Variants in HTT observed in about 807,000 individuals in gnomAD.
HTT encodes huntingtin, also known as huntington disease protein.
In HTT, 104 loss-of-function variants were observed where a neutral mutation model predicts 362.3. That is an observed-to-expected ratio of 0.29 (90% CI 0.24 to 0.34). HTT has a LOEUF of 0.34. HTT is among the 10% of genes least tolerant of loss of function. The pLI is 1.00. For missense variants in HTT, 3,301 were observed against 3,928.6 expected, an observed-to-expected ratio of 0.84 and a Z score of 4.27; for synonymous variants, 1,577 against 1,548.7, an observed-to-expected ratio of 1.02 and a Z score of -0.43.
At chr4:3,126,570 AT>A (rs58673147) in intron 11 of HTT, among the ~76,000 whole-genome samples, 8,147 of 151,820 alleles carry the variant, frequency 0.054, 655 homozygotes, top group African/African-American at 0.18. Flanking sequence ...ATAAAAATAG[AT>A]TTTTTTTTGA....
Position 3,228,789 on chromosome 4 carries a change from C to A in HTT, c.7979+44C>A, listed in dbSNP as rs1401491470. 49 of 1,566,360 alleles carry A rather than the reference C, an allele frequency of 3.1e-5. No homozygotes were observed. The highest frequency in any genetic ancestry group is 4.2e-5 in the Non-Finnish European group (48 of 1,152,574). On this transcript the variant is annotated intron_variant, in intron 58 of 66. Transcript: ENST00000355072. The surrounding 1 kb of genome is among the most constrained non-coding windows in gnomAD (Gnocchi z 4.3). ...TCTTTTTAACAGAAATTTGAAATTT[C>A]TTATCAGTCATTTGATTTGTTTGAG... is the stretch of plus-strand genomic sequence containing the variant.
intron 1 of HTT, among the ~76,000 whole-genome samples, chr4:3,086,163 A>T (rs978594522): frequency 2.0e-5 from 3 of 152,222 alleles, no homozygotes; most frequent in South Asian, 2.1e-4. Flanking sequence ...AGAAAGAAAG[A>T]AAGTTTCTAA....
At chr4:3,196,068 T>G (rs1719245000) in intron 40 of HTT, among the ~76,000 whole-genome samples, 1 of 152,180 alleles carries the variant, frequency 6.6e-6, no homozygotes, top group South Asian at 2.1e-4. Context: ...AGGGAAACCC[T>G]TGGAAGGAGG....
chr4:3,231,576 C>T (rs1276109438), intron 60 of HTT, among the ~76,000 whole-genome samples: 3 of 152,190 alleles, frequency 2.0e-5, no homozygotes, highest in African/African-American at 7.2e-5. Flanking sequence ...CTGTCCTCCC[C>T]GAGCCCAAAC....
At position 3,236,207 on chromosome 4, in the gene HTT, C is replaced by T. The variant is rs751180863; in HGVS notation, c.8844C>T (p.Ser2948=). 26 of 1,613,976 alleles carry T rather than the reference C, an allele frequency of 1.6e-5. No homozygotes were observed. In the Middle Eastern group the frequency reaches 9.9e-4, roughly 61 times the overall value. Residue 2948 remains serine (S), a synonymous_variant, in exon 64 of 67, where the codon AGC becomes AGT. Coordinates refer to ENST00000355072, the MANE Select transcript of HTT (RefSeq NM_001388492.1). ...ACCCTAATCCTGCAGCCCCCGACAGCGAGTCAGTGATTGTTGCTATGGAGC... is the reference window on the plus strand; with the variant it reads ...ACCCTAATCCTGCAGCCCCCGACAGTGAGTCAGTGATTGTTGCTATGGAGC... ...TSDPNPAAPD[S]ESVIVAMERV...
intron 40 of HTT, among the ~76,000 whole-genome samples, chr4:3,199,179 A>G (rs368246863): frequency 6.6e-6 from 1 of 152,212 alleles, no homozygotes; most frequent in Non-Finnish European, 1.5e-5. Context: ...AGGGCTTGGC[A>G]TTGCCGACCA....
intron 33 of HTT, among the ~76,000 whole-genome samples, chr4:3,176,695 T>G (rs1195933462): frequency 6.6e-6 from 1 of 152,212 alleles, no homozygotes; most frequent in African/African-American, 2.4e-5. Context: ...GTTCTTAAGA[T>G]TCAGTACAGT....
chr4:3,075,238 C>T, intron 1 of HTT, 150 bp downstream of exon 1: 1 of 738,444 alleles, frequency 1.4e-6, no homozygotes, highest in Non-Finnish European at 1.8e-6. Flanking sequence ...ATGAGGGACA[C>T]CCGCCCCCTC....
chr4:3,076,058 G>A (rs1055885910), intron 1 of HTT, among the ~76,000 whole-genome samples: 1 of 152,140 alleles, frequency 6.6e-6, no homozygotes, highest in Non-Finnish European at 1.5e-5. Context: ...CGGGGGGTCC[G>A]CAGACTCCGT....
At chr4:3,230,133 G>A (rs1429835867) in intron 60 of HTT, 91 bp downstream of exon 60, 10 of 1,116,420 alleles carry the variant, frequency 9.0e-6, no homozygotes, top group African/African-American at 4.6e-5. Context: ...TGCCGGGTGC[G>A]GCTGCCTCCT....
chr4:3,211,085 G>A (rs1336260739), intron 47 of HTT, among the ~76,000 whole-genome samples: 4 of 150,750 alleles, frequency 2.7e-5, no homozygotes, highest in Non-Finnish European at 4.4e-5. Flanking sequence ...TGTATTTTTA[G>A]TAGAGACGGG....
chr4:3,078,766 G>T (rs1247299024), intron 1 of HTT, among the ~76,000 whole-genome samples: 2 of 150,444 alleles, frequency 1.3e-5, no homozygotes, highest in African/African-American at 2.5e-5. Context: ...ACGGAGTCTT[G>T]CTCTGTCGCC....
intron 1 of HTT, among the ~76,000 whole-genome samples, chr4:3,078,750 C>A (rs1383347257): frequency 6.7e-6 from 1 of 150,128 alleles, no homozygotes; most frequent in Non-Finnish European, 1.5e-5. Flanking sequence ...TTTTTTTTCC[C>A]CCGAGACGGA....
intron 41 of HTT, among the ~76,000 whole-genome samples, chr4:3,203,238 A>G (rs964750891): frequency 3.9e-5 from 6 of 152,268 alleles, no homozygotes; most frequent in Non-Finnish European, 8.8e-5. Context: ...GGTTTTTACC[A>G]GTTCTCTTCT....
At chr4:3,084,027 G>A (rs745638617) in intron 1 of HTT, among the ~76,000 whole-genome samples, 8 of 152,062 alleles carry the variant, frequency 5.3e-5, no homozygotes, top group Non-Finnish European at 8.8e-5. Flanking sequence ...ATGATTCTAT[G>A]TTTTTTTGCA....
chr4:3,135,768 C>T (rs1716036453), intron 19 of HTT, 136 bp from the exon 20 acceptor site: 3 of 522,204 alleles, frequency 5.7e-6, no homozygotes, highest in Non-Finnish European at 6.9e-6. Context: ...AAGCCATTGG[C>T]CTTTTTTGTT....
chr4:3,107,527 G>A lies in HTT; in HGVS notation c.747+104G>A. ...GGAGTCCTGTGGGAGTGCTTCTTGG[G>A]GTATGTTGTATGTCGTAATTTAGAC... On this transcript the variant is annotated intron_variant, in intron 6 of 66. Transcript: ENST00000355072. 1.3e-5 allele frequency: 15 copies of A among 1,169,738 alleles called. No homozygotes were observed. The South Asian group carries it at 2.1e-4, about 16-fold the overall frequency. 72.5% of individuals were successfully genotyped at this position (1,169,738 alleles called of 1,614,324 possible).
At chr4:3,202,597 T>C (rs926839280) in intron 41 of HTT, among the ~76,000 whole-genome samples, 2 of 152,150 alleles carry the variant, frequency 1.3e-5, no homozygotes, top group Non-Finnish European at 2.9e-5. Context: ...CATCAAGATA[T>C]AGAGGAGTGC....
At chr4:3,187,563 G>A in intron 38 of HTT, 88 bp from the exon 39 acceptor site, 2 of 879,580 alleles carry the variant, frequency 2.3e-6, no homozygotes, top group Middle Eastern at 4.5e-4. Flanking sequence ...TAAAATAGGA[G>A]TTATTTTCTT....
Sources: gnomAD v4.1 joint callset for allele counts (sites outside exome capture counted in the v4.1 genomes callset) on GRCh38, gnomAD v4.1.1 for gene constraint, Gnocchi (gnomAD v3.1) non-coding constraint, MANE v1.5 for transcripts, NCBI Gene and HGNC (gene_info 2026-07-23, HGNC 2026-07-21) for gene names.